ABCA6: variants seen among roughly 807,000 people sequenced by gnomAD.
The protein encoded by ABCA6 is ATP-binding cassette sub-family A member 6.
Under a neutral mutation model 191.2 loss-of-function variants are expected in ABCA6, and 164 were observed. The ratio of observed to expected loss-of-function variants is 0.86; its 90% CI spans 0.76 to 0.98. The LOEUF (loss-of-function observed/expected upper bound fraction) is 0.98, where lower values mean the gene tolerates loss of function less well. Ranked by LOEUF, ABCA6 falls within the 50% of genes least tolerant of loss-of-function variation. The pLI, the probability that ABCA6 is intolerant of heterozygous loss-of-function variation, is 0.00. For missense variants in ABCA6, 1,958 were observed against 1,894.1 expected, an observed-to-expected ratio of 1.03 and a Z score of -0.63; for synonymous variants, 636 against 647.7, an observed-to-expected ratio of 0.98 and a Z score of 0.27.
At chr17:69,121,547 A>G (rs997781) in intron 10 of ABCA6, among the ~76,000 whole-genome samples, 112,774 of 151,786 alleles carry the variant, frequency 0.74, 42,633 homozygotes, top group African/African-American at 0.88. Flanking sequence ...TGACAGGTGT[A>G]CCCAGTCAAC....
In ABCA6 at chr17:69,112,223, TAGA is replaced by T. The variant is rs1196638240; in HGVS notation, c.2089_2091del (p.Ser697del). The T allele has an allele frequency of 1.2e-6, 2 of 1,612,546 alleles. No individual in the cohort carries two copies. Among genetic ancestry groups the T allele is most frequent in the Non-Finnish European group, 1.7e-6 (2 of 1,179,108 alleles). On this transcript the variant is annotated inframe_deletion, in exon 16 of 39. Transcript: ENST00000284425. ...AGACCCCACCTTCTTTTCAAAAACA[TAGA>T]AGAACCTGCACACTTCAGTCTCCCA...
chr17:69,111,990 G>A (rs2073432348), intron 16 of ABCA6, 193 bp downstream of exon 16: 2 of 522,764 alleles, frequency 3.8e-6, no homozygotes. Flanking sequence ...GGTTTATCAT[G>A]TTGAAATGTT....
chr17:69,133,324 C>A (rs141742033), intron 6 of ABCA6, among the ~76,000 whole-genome samples: 90 of 152,286 alleles, frequency 5.9e-4, no homozygotes, highest in African/African-American at 2.1e-3. Flanking sequence ...AGTCTCAGCT[C>A]CGGCACTCAC....
In ABCA6 at chr17:69,128,435, T is replaced by A. The variant is rs527452712; in HGVS notation, c.1119+184A>T. On this transcript the variant is annotated intron_variant, in intron 8 of 38. Coordinates refer to ENST00000284425, the MANE Select transcript of ABCA6 (RefSeq NM_080284.3). ...AGCGGTAAAATCTGAAGGATTTTTT[T>A]AAATTTAAGTTTCTTTGTGAGGTGA... Among the ~76,000 whole-genome samples the A allele has an allele frequency of 6.6e-5, 10 of 152,090 alleles. No individual in the cohort carries two copies. In the East Asian group the frequency reaches 1.2e-3, roughly 18 times the overall value.
At chr17:69,122,402 A>G (rs140230939) in intron 10 of ABCA6, among the ~76,000 whole-genome samples, 1 of 152,054 alleles carries the variant, frequency 6.6e-6, no homozygotes, top group East Asian at 1.9e-4. Flanking sequence ...TTCAATCCCA[A>G]AACTGCTGAG....
rs767436100 is a variant in ABCA6 at position 69,106,257 on chromosome 17, C to T, written c.2390-46G>A. On this transcript the variant is annotated intron_variant, in intron 18 of 38. Transcript: ENST00000284425. ...AAACACACATATTATAATATTAATG[C>T]CATCCTGGAGGCATCACAGATTTTC... The T allele has an allele frequency of 3.3e-6, 5 of 1,534,384 alleles. No individual in the cohort carries two copies. In the East Asian group the frequency reaches 6.9e-5, roughly 21 times the overall value.
intron 31 of ABCA6, 65 bp downstream of exon 31, chr17:69,085,546 ATAGTATAGTCTTAC>A: frequency 1.1e-6 from 1 of 880,014 alleles, no homozygotes. Context: ...GAAAAGAAAA[ATAGTATAGTCTTAC>A]AAAGATATAA....
chr17:69,092,843 G>A (rs1430211342), intron 25 of ABCA6, among the ~76,000 whole-genome samples: 1 of 152,250 alleles, frequency 6.6e-6, no homozygotes, highest in African/African-American at 2.4e-5. Context: ...GACTAGCATC[G>A]TTTAAGTTGA....
chr17:69,082,724 T>C (rs2072672508), intron 36 of ABCA6, 149 bp downstream of exon 36: 1 of 1,249,536 alleles, frequency 8.0e-7, no homozygotes, highest in African/African-American at 1.5e-5. Flanking sequence ...TCTCAATCTC[T>C]TATAATCTGG....
chr17:69,096,382 CA>C (rs967155312), intron 24 of ABCA6, 29 bp from the exon 25 acceptor site: 5 of 1,208,234 alleles, frequency 4.1e-6, no homozygotes, highest in Admixed American at 5.6e-5. Context: ...ATAACATAGT[CA>C]AAAAATCAAA....
intron 2 of ABCA6, among the ~76,000 whole-genome samples, chr17:69,139,565 A>G (rs1304849225): frequency 6.6e-6 from 1 of 152,136 alleles, no homozygotes; most frequent in Non-Finnish European, 1.5e-5. Flanking sequence ...TAGAACTAGA[A>G]ATACCATTTG....
intron 20 of ABCA6, 187 bp downstream of exon 20, chr17:69,105,275 G>T: frequency 1.7e-6 from 1 of 593,344 alleles, no homozygotes; most frequent in Non-Finnish European, 2.9e-6. Flanking sequence ...TTTTTCTCTT[G>T]TCCTCATCAT....
At chr17:69,117,050 A>G (rs543215879) in intron 11 of ABCA6, among the ~76,000 whole-genome samples, 5 of 149,322 alleles carry the variant, frequency 3.3e-5, no homozygotes, top group African/African-American at 5.1e-5. Context: ...AACATTAAAG[A>G]AAGAAATCAC....
intron 34 of ABCA6, among the ~76,000 whole-genome samples, chr17:69,083,848 C>T (rs1443240966): frequency 6.7e-6 from 1 of 150,212 alleles, no homozygotes; most frequent in Non-Finnish European, 1.5e-5. Context: ...AAGAATAAAC[C>T]CGAGAAAAAC....
chr17:69,096,743 C>T lies in ABCA6; in HGVS notation c.3179G>A (p.Gly1060Glu), dbSNP rs1302714021. The stretch of plus-strand genomic sequence containing the variant: ...GAAGCTGACGTCCACTAGTGCCTGC[C>T]CACACCAGTAAGCAGAAGTGTAGAG... ...SGLYTSAYWC[G>E]QALVDVSFFI... Residue 1060 changes from glycine (G) to glutamate (E), a missense_variant, in exon 24 of 39, where the codon GGG (glycine) becomes GAG (glutamate). Coordinates refer to ENST00000284425, the MANE Select transcript of ABCA6 (RefSeq NM_080284.3). 1 of 1,584,858 alleles carries T rather than the reference C, an allele frequency of 6.3e-7. No homozygotes were observed. The highest frequency in any genetic ancestry group is 1.2e-5 in the South Asian group (1 of 85,392).
chr17:69,100,841 T>A lies in ABCA6; in HGVS notation c.2968A>T (p.Asn990Tyr), dbSNP rs2073163452. 1 of 1,612,846 alleles carries A rather than the reference T, an allele frequency of 6.2e-7. No individual in the cohort carries two copies. The highest frequency in any genetic ancestry group is 8.5e-7 in the Non-Finnish European group (1 of 1,179,494). ...TCAATTCGAATATGTTGTGTGTGAT[T>A]AAACATTTGAAGTAGCCCATTGCTG... ...IISNGLLQMF[N>Y]HTQHIRIESS... The change falls in exon 22 of 39, where the codon AAT becomes TAT. Residue 990 changes from asparagine (N) to tyrosine (Y), a missense_variant. Coordinates refer to ENST00000284425, the MANE Select transcript of ABCA6 (RefSeq NM_080284.3).
intron 10 of ABCA6, among the ~76,000 whole-genome samples, chr17:69,121,234 G>A (rs1331317028): frequency 2.0e-5 from 3 of 152,098 alleles, no homozygotes; most frequent in Non-Finnish European, 4.4e-5. Flanking sequence ...TCACTGTGAA[G>A]AAAGAAGAGA....
In ABCA6 at chr17:69,091,739, G is replaced by T. The variant is rs1216058583; in HGVS notation, c.3409-477C>A. 1.4e-4 allele frequency among the ~76,000 whole-genome samples: 3 copies of T among 22,124 alleles called. 1 individual carries two copies. Among genetic ancestry groups the T allele is most frequent in the East Asian group, 1.1e-3 (3 of 2,758 alleles). 14.5% of individuals were successfully genotyped at this position (22,124 alleles called of 152,430 possible). On this transcript the variant is annotated intron_variant, in intron 25 of 38. Coordinates refer to ENST00000284425, the MANE Select transcript of ABCA6 (RefSeq NM_080284.3). Reference sequence around the variant, plus strand: ...GGGTTTCACCGTTTTAGCCGGGATGGTCTCGATCTCCTGACCTCGTGATCC... The same window carrying T: ...GGGTTTCACCGTTTTAGCCGGGATGTTCTCGATCTCCTGACCTCGTGATCC...
chr17:69,099,875 A>G (rs2073135427), intron 22 of ABCA6, among the ~76,000 whole-genome samples: 1 of 152,190 alleles, frequency 6.6e-6, no homozygotes, highest in Admixed American at 6.5e-5. Context: ...TCCCAGCACC[A>G]CTGATTCAGT....
Sources: allele counts gnomAD v4.1 joint callset (sites outside exome capture counted in the v4.1 genomes callset), GRCh38; gene constraint gnomAD v4.1.1; transcripts MANE v1.5; gene names NCBI Gene and HGNC (gene_info 2026-07-23, HGNC 2026-07-21).